Variants in CCDC85C observed in about 807,000 individuals in gnomAD.
The protein encoded by CCDC85C is coiled-coil domain containing 85C, also known as coiled-coil domain-containing protein 85C.
Under a neutral mutation model 38.3 loss-of-function variants are expected in CCDC85C, and 18 were observed. The observed-to-expected ratio is 0.47, with a 90% CI of 0.33 to 0.70. The LOEUF (loss-of-function observed/expected upper bound fraction) is 0.70. CCDC85C is among the 30% of genes least tolerant of loss of function. CCDC85C has a pLI of 0.03. For missense variants in CCDC85C, 566 were observed against 621.2 expected, an observed-to-expected ratio of 0.91 and a Z score of 0.94; for synonymous variants, 264 against 293.8, an observed-to-expected ratio of 0.90 and a Z score of 1.04.
intron 1 of CCDC85C, among the ~76,000 whole-genome samples, chr14:99,561,429 T>G (rs2139949694): frequency 6.6e-6 from 1 of 152,308 alleles, no homozygotes; most frequent in South Asian, 2.1e-4. Flanking sequence ...CCTGGGCACC[T>G]GCCCAGCCAT....
intron 1 of CCDC85C, among the ~76,000 whole-genome samples, chr14:99,571,014 C>G (rs1225598210): frequency 6.6e-6 from 1 of 152,126 alleles, no homozygotes; most frequent in Non-Finnish European, 1.5e-5. Flanking sequence ...GAGCTTCCCC[C>G]ACTCCCACCT....
At chr14:99,602,260 G>A (rs1595113327) in intron 1 of CCDC85C, among the ~76,000 whole-genome samples, 1 of 152,176 alleles carries the variant, frequency 6.6e-6, no homozygotes, top group Middle Eastern at 3.2e-3. Context: ...CAGGCTGCAA[G>A]CTCCCACAGC....
chr14:99,501,606 CCGTGTCATGG>C lies in CCDC85C; in HGVS notation c.*13630_*13639del. Reference sequence around the variant, plus strand: ...CGGCAGAGGGTTTCCTTCTGCCCTGCCGTGTCATGGTGTTGTGAGGTGCTGAAATTTTATC... The same window carrying C: ...CGGCAGAGGGTTTCCTTCTGCCCTGCTGTTGTGAGGTGCTGAAATTTTATC... On this transcript the variant is annotated 3_prime_UTR_variant, in exon 6 of 6. Transcript: ENST00000380243. 1 of 571,378 alleles carries C rather than the reference CCGTGTCATGG, an allele frequency of 1.8e-6. No homozygotes were observed. Among genetic ancestry groups the C allele is most frequent in the East Asian group, 2.9e-5 (1 of 34,348 alleles). The allele number at this position is 571,378 out of a possible 1,614,324, so 35.4% of individuals were successfully genotyped here.
chr14:99,537,410 C>T (rs576957613), intron 1 of CCDC85C, among the ~76,000 whole-genome samples: 1 of 152,100 alleles, frequency 6.6e-6, no homozygotes, highest in Non-Finnish European at 1.5e-5. Flanking sequence ...ATGCCAACCA[C>T]AGGACCAATG....
intron 1 of CCDC85C, among the ~76,000 whole-genome samples, chr14:99,573,143 T>C (rs1040418344): frequency 3.3e-5 from 5 of 152,200 alleles, no homozygotes; most frequent in Non-Finnish European, 7.3e-5. Context: ...CACCGCTTCA[T>C]TTCCCCCGGT....
chr14:99,590,217 C>T (rs1193480782), intron 1 of CCDC85C, among the ~76,000 whole-genome samples: 4 of 151,984 alleles, frequency 2.6e-5, no homozygotes, highest in Non-Finnish European at 5.9e-5. Flanking sequence ...TGGGGTCCTC[C>T]AAACTCCTAG....
intron 3 of CCDC85C, among the ~76,000 whole-genome samples, chr14:99,517,490 G>A (rs1009668737): frequency 2.0e-5 from 3 of 152,290 alleles, no homozygotes; most frequent in Admixed American, 6.5e-5. Context: ...AAGACCTAGC[G>A]TCTGTTTTGC....
Position 99,502,682 on chromosome 14 carries a change from C to G in CCDC85C, c.*12564G>C, listed in dbSNP as rs1327205566. The G allele has an allele frequency of 1.9e-6, 3 of 1,588,428 alleles. No individual in the cohort carries two copies. In the South Asian group the frequency reaches 3.3e-5, roughly 18 times the overall value. On this transcript the variant is annotated 3_prime_UTR_variant, in exon 6 of 6. Transcript: ENST00000380243. ...CCAGGTAAAATTTTATTTAAAATAC[C>G]AATTTGTGTAAAATGTAATTGTTGG...
chr14:99,603,989 G>A lies in CCDC85C; in HGVS notation c.-30C>T. On this transcript the variant is annotated 5_prime_UTR_variant, in exon 1 of 6. Transcript: ENST00000380243. The surrounding 1 kb of genome is among the most constrained non-coding windows in gnomAD (Gnocchi z 7.5). ...GGGCCGTCACCGCGGCATCGCCCTC[G>A]CCCTCGCCCGGCCGGCGCTTCCCCG... is the stretch of plus-strand genomic sequence containing the variant. 7.3e-6 allele frequency: 9 copies of A among 1,227,436 alleles called. No individual in the cohort carries two copies. The highest frequency in any genetic ancestry group is 3.5e-5 in the South Asian group (1 of 28,504). The allele number at this position is 1,227,436 out of a possible 1,614,324, so 76.0% of individuals were successfully genotyped here. A position where few individuals can be genotyped will look rare whatever the true frequency, so the allele number is the denominator to read the frequency against.
chr14:99,531,227 C>A (rs1897486571), intron 2 of CCDC85C, among the ~76,000 whole-genome samples: 1 of 152,180 alleles, frequency 6.6e-6, no homozygotes, highest in Non-Finnish European at 1.5e-5. Flanking sequence ...CCCAAGCTGG[C>A]CCTCTGGTCT....
Position 99,583,762 on chromosome 14 carries a change from C to T in CCDC85C, c.793+19405G>A, listed in dbSNP as rs529950416. ...GGCAGAGGTTGCAGTGAGCCGAGAT[C>T]GCGTCACTGCGCTCCAGCCTGGGTG... is the stretch of plus-strand genomic sequence containing the variant. On this transcript the variant is annotated intron_variant, in intron 1 of 5. Transcript: ENST00000380243. 4.7e-5 allele frequency among the ~76,000 whole-genome samples: 7 copies of T among 149,388 alleles called. No homozygotes were observed. The South Asian group carries it at 1.5e-3, about 32-fold the overall frequency.
At chr14:99,542,039 G>A (rs922148831) in intron 1 of CCDC85C, among the ~76,000 whole-genome samples, 13 of 152,336 alleles carry the variant, frequency 8.5e-5, no homozygotes, top group Admixed American at 8.5e-4. Context: ...GTCATTAGCA[G>A]GAGACCTGGC....
At chr14:99,594,262 C>A (rs1431652278) in intron 1 of CCDC85C, among the ~76,000 whole-genome samples, 7 of 152,222 alleles carry the variant, frequency 4.6e-5, no homozygotes, top group Non-Finnish European at 8.8e-5. Context: ...TTGTCCCCAG[C>A]AAACCTGCAC....
At chr14:99,595,299 AG>A (rs1320552131) in intron 1 of CCDC85C, among the ~76,000 whole-genome samples, 2 of 152,204 alleles carry the variant, frequency 1.3e-5, no homozygotes, top group Non-Finnish European at 2.9e-5. Context: ...TCTGTGGCCC[AG>A]GCTGGAGTGC....
chr14:99,602,751 G>A (rs975128061), intron 1 of CCDC85C, among the ~76,000 whole-genome samples: 2 of 152,178 alleles, frequency 1.3e-5, no homozygotes, highest in African/African-American at 2.4e-5. Context: ...GAGGACACCT[G>A]TTGCTGCAAG....
chr14:99,578,784 C>T (rs1249198581), intron 1 of CCDC85C, among the ~76,000 whole-genome samples: 1 of 152,216 alleles, frequency 6.6e-6, no homozygotes, highest in Non-Finnish European at 1.5e-5. Context: ...GCTGCTGCCC[C>T]AGCCCCCTTC....
chr14:99,556,911 A>G (rs78256366), intron 1 of CCDC85C, among the ~76,000 whole-genome samples: 5 of 36,764 alleles, frequency 1.4e-4, no homozygotes, highest in Non-Finnish European at 3.1e-4. Flanking sequence ...AATACTTCAG[A>G]AAAAAAAAAA....
Position 99,563,680 on chromosome 14 carries a change from C to T in CCDC85C, c.794-27592G>A, listed in dbSNP as rs116271657. On this transcript the variant is annotated intron_variant, in intron 1 of 5. Coordinates refer to ENST00000380243, the MANE Select transcript of CCDC85C (RefSeq NM_001144995.2). ...AGGCGGGCAGAAGGCAGCGGCATGG[C>T]GCTCACCAGCCGGCAGACATAAATC... Among the ~76,000 whole-genome samples the T allele has an allele frequency of 7.4e-4, 112 of 152,358 alleles. 1 individual carries two copies. Among genetic ancestry groups the T allele is most frequent in the African/African-American group, 2.6e-3 (110 of 41,590 alleles).
Position 99,603,141 on chromosome 14 carries a change from C to T in CCDC85C, c.793+26G>A. On this transcript the variant is annotated intron_variant, in intron 1 of 5. Coordinates refer to ENST00000380243, the MANE Select transcript of CCDC85C (RefSeq NM_001144995.2). This position sits in a 1 kb window ranked among gnomAD's most constrained non-coding sequence, Gnocchi z 7.5. Reference sequence around the variant, plus strand: ...AAAGGGCTGCAGCCAGGGAGACCCGCGCTGCCCGGCCCGTGTAGTCCTTAC... The same window carrying T: ...AAAGGGCTGCAGCCAGGGAGACCCGTGCTGCCCGGCCCGTGTAGTCCTTAC... 1 of 1,304,108 alleles carries T rather than the reference C, an allele frequency of 7.7e-7. No individual in the cohort carries two copies. Among genetic ancestry groups the T allele is most frequent in the Non-Finnish European group, 9.7e-7 (1 of 1,026,202 alleles). 80.8% of individuals were successfully genotyped at this position (1,304,108 alleles called of 1,614,324 possible). A position where few individuals can be genotyped will look rare whatever the true frequency, so the allele number is the denominator to read the frequency against.
Sources: gnomAD v4.1 joint callset for allele counts (sites outside exome capture counted in the v4.1 genomes callset) on GRCh38, gnomAD v4.1.1 for gene constraint, Gnocchi (gnomAD v3.1) non-coding constraint, MANE v1.5 for transcripts, NCBI Gene and HGNC (gene_info 2026-07-23, HGNC 2026-07-21) for gene names.